SLC38A10: variants seen among roughly 807,000 people sequenced by gnomAD.
SLC38A10 encodes the protein solute carrier family 38 member 10, also known as Sodium-coupled neutral amino acid transporter 10.
Under a neutral mutation model 81.0 loss-of-function variants are expected in SLC38A10, and 53 were observed. That is an observed-to-expected ratio of 0.65 (90% CI 0.53 to 0.82). The LOEUF (loss-of-function observed/expected upper bound fraction) is 0.82, where lower values mean the gene tolerates loss of function less well. Ranked by LOEUF, SLC38A10 falls within the 40% of genes least tolerant of loss-of-function variation. The pLI is 0.00. For missense variants in SLC38A10, 1,471 were observed against 1,545.0 expected (o/e 0.95, Z 0.80); for synonymous variants, 665 against 655.3 (o/e 1.01, Z -0.23).
At chr17:81,294,082 C>A (rs1020976156) in intron 1 of SLC38A10, among the ~76,000 whole-genome samples, 3 of 152,182 alleles carry the variant, frequency 2.0e-5, no homozygotes, top group Non-Finnish European at 2.9e-5. Flanking sequence ...GGCGTGATCT[C>A]GGCTCACTGC....
rs568859490 is a variant in SLC38A10 at position 81,252,999 on chromosome 17, G to A, written c.1456+74C>T. The A allele has an allele frequency of 1.7e-5, 27 of 1,555,642 alleles. No individual in the cohort carries two copies. In the Admixed American group the frequency reaches 2.6e-4, roughly 15 times the overall value. On this transcript the variant is annotated intron_variant, in intron 12 of 15. Coordinates refer to ENST00000374759, the MANE Select transcript of SLC38A10 (RefSeq NM_001037984.3). ...TACACACAGCCCTGAGAGCCACCCC[G>A]CAGGGTGTCCAGCCTGCAAAGGAGG...
At position 81,270,358 on chromosome 17, in the gene SLC38A10, C is replaced by T. The variant is rs547959861; in HGVS notation, c.1131+560G>A. Among the ~76,000 whole-genome samples, 50 of 152,296 alleles carry T rather than the reference C, an allele frequency of 3.3e-4. No homozygotes were observed. The highest frequency in any genetic ancestry group is 4.9e-4 in the Non-Finnish European group (33 of 68,034). On this transcript the variant is annotated intron_variant, in intron 10 of 15. Coordinates refer to ENST00000374759, the MANE Select transcript of SLC38A10 (RefSeq NM_001037984.3). This position sits in a 1 kb window ranked among gnomAD's most constrained non-coding sequence, Gnocchi z 4.0. ...AGCAAGACTGGAGAGGTGAGTCCTT[C>T]GGAGACTGGGATTATGGAATCTTCC...
rs769255151 is a variant in SLC38A10 at position 81,252,546 on chromosome 17, G to A, written c.1594C>T (p.Pro532Ser). Residue 532 changes from proline (P) to serine (S), a missense_variant, in exon 13 of 16, where the codon CCA becomes TCA. Pro to Ser is a moderately conservative substitution (Grantham distance 74, BLOSUM62 -1). Transcript: ENST00000374759. The part of the protein sequence containing the change: ...PPSRHAGGKA[P>S]GVQGQMAPPL... ...GGCGCCATCTGGCCCTGGACCCCTG[G>A]AGCCTTTCCGCCCGCGTGTCTGGAT... is the stretch of plus-strand genomic sequence containing the variant. 6.3e-5 allele frequency: 101 copies of A among 1,613,272 alleles called. No individual in the cohort carries two copies. The highest frequency in any genetic ancestry group is 8.0e-5 in the Non-Finnish European group (94 of 1,180,030).
At chr17:81,249,022 G>A (rs149419776) in intron 14 of SLC38A10, among the ~76,000 whole-genome samples, 15 of 152,276 alleles carry the variant, frequency 9.9e-5, no homozygotes, top group South Asian at 2.1e-4. Flanking sequence ...TGGGTGCTGC[G>A]GGGCTCAACC....
Position 81,277,258 on chromosome 17 carries a change from G to A in SLC38A10, c.627-125C>T. On this transcript the variant is annotated intron_variant, in intron 6 of 15. Transcript: ENST00000374759. This position sits in a 1 kb window ranked among gnomAD's most constrained non-coding sequence, Gnocchi z 4.5. Reference sequence around the variant, plus strand: ...GACCTTCCTTCATGCAACATTCTCTGCACACTGGAAGTCCCAGCGCTGAGG... The same window carrying A: ...GACCTTCCTTCATGCAACATTCTCTACACACTGGAAGTCCCAGCGCTGAGG... 1 of 818,736 alleles carries A rather than the reference G, an allele frequency of 1.2e-6. No homozygotes were observed. The highest frequency in any genetic ancestry group is 2.0e-6 in the Non-Finnish European group (1 of 503,366). The allele number at this position is 818,736 out of a possible 1,614,324, so 50.7% of individuals were successfully genotyped here.
At chr17:81,278,137 G>A (rs2063178674) in intron 6 of SLC38A10, among the ~76,000 whole-genome samples, 1 of 151,872 alleles carries the variant, frequency 6.6e-6, no homozygotes, top group Admixed American at 6.5e-5. Flanking sequence ...AGAAAACACA[G>A]GACATCACCA....
At chr17:81,257,281 A>C (rs2062981593) in intron 11 of SLC38A10, among the ~76,000 whole-genome samples, 2 of 152,114 alleles carry the variant, frequency 1.3e-5, no homozygotes, top group Admixed American at 1.3e-4. Context: ...TTTTTAGTAG[A>C]GACAGGGTTT....
rs2062854124 is a variant in SLC38A10, at chr17:81,246,584, G to A, written c.2332C>T (p.Pro778Ser). 8 of 1,517,640 alleles carry A rather than the reference G, an allele frequency of 5.3e-6. No homozygotes were observed. The highest frequency in any genetic ancestry group is 7.0e-6 in the Non-Finnish European group (8 of 1,135,156). The allele number at this position is 1,517,640 out of a possible 1,614,324, so 94.0% of individuals were successfully genotyped here. A position where few individuals can be genotyped will look rare whatever the true frequency, so the allele number is the denominator to read the frequency against. Residue 778 changes from proline (P) to serine (S), a missense_variant, in exon 16 of 16, where the codon CCC becomes TCC. Transcript: ENST00000374759. The stretch of plus-strand genomic sequence containing the variant: ...CTGAGGACAGGGTCCAAAGGCAGGG[G>A]AGGCAGATTCTCCACCGTCTCCCTG... ...KARETVENLP[P>S]LPLDPVLRAP...
chr17:81,282,182 G>C lies in SLC38A10; in HGVS notation c.501+7C>G. 1.2e-6 allele frequency: 2 copies of C among 1,612,906 alleles called. No individual in the cohort carries two copies. Among genetic ancestry groups the C allele is most frequent in the Non-Finnish European group, 8.5e-7 (1 of 1,179,500 alleles). On this transcript the variant is annotated splice_region_variant and intron_variant, in intron 5 of 15. Transcript: ENST00000374759. ...TCAGCGGGTACCCACGCGCGCTGCCGACTCACCACGAACATGAACACGGTG... is the reference window on the plus strand; with the variant it reads ...TCAGCGGGTACCCACGCGCGCTGCCCACTCACCACGAACATGAACACGGTG...
chr17:81,247,389 C>T (rs1040627521), intron 14 of SLC38A10: 2 of 254,840 alleles, frequency 7.8e-6, no homozygotes, highest in Admixed American at 1.1e-4. Context: ...CCCCAGCAAG[C>T]CTGCTCGTTG....
At chr17:81,284,958 T>C in intron 2 of SLC38A10, 63 bp from the exon 3 acceptor site, 1 of 1,454,652 alleles carries the variant, frequency 6.9e-7, no homozygotes, top group Non-Finnish European at 9.3e-7. Context: ...AGAACAAAGG[T>C]ACTGAGCCAA....
intron 6 of SLC38A10, chr17:81,280,139 C>G (rs1269243241): frequency 2.2e-6 from 1 of 453,470 alleles, no homozygotes; most frequent in Non-Finnish European, 4.4e-6. Flanking sequence ...TATGGAAGAG[C>G]CCGATCCACA....
intron 10 of SLC38A10, chr17:81,263,239 A>T (rs2146910891): frequency 6.6e-6 from 1 of 152,406 alleles, no homozygotes; most frequent in East Asian, 1.9e-4. Flanking sequence ...GTACACAGGG[A>T]GCCTGCATGG....
At chr17:81,272,208 T>G (rs1249806379) in intron 9 of SLC38A10, among the ~76,000 whole-genome samples, 1 of 152,070 alleles carries the variant, frequency 6.6e-6, no homozygotes, top group East Asian at 1.9e-4. Context: ...AATTTTGTAT[T>G]TTTAGTAGAG....
Position 81,283,274 on chromosome 17 carries a change from C to T in SLC38A10, c.357+135G>A, listed in dbSNP as rs1185794853. 8 of 755,158 alleles carry T rather than the reference C, an allele frequency of 1.1e-5. No homozygotes were observed. Among genetic ancestry groups the T allele is most frequent in the East Asian group, 5.7e-5 (2 of 35,262 alleles). 46.8% of individuals were successfully genotyped at this position (755,158 alleles called of 1,614,324 possible). On this transcript the variant is annotated intron_variant, in intron 4 of 15. Coordinates refer to ENST00000374759, the MANE Select transcript of SLC38A10 (RefSeq NM_001037984.3). This position sits in a 1 kb window ranked among gnomAD's most constrained non-coding sequence, Gnocchi z 4.7. ...GCAAAGCCCCCGCACTCCACCAAGC[C>T]CCTAGAATGACAGCAGGCTCGACAG...
At chr17:81,254,189 TCA>T (rs773915128) in intron 11 of SLC38A10, among the ~76,000 whole-genome samples, 2 of 152,024 alleles carry the variant, frequency 1.3e-5, no homozygotes, top group African/African-American at 2.4e-5. Flanking sequence ...GAGGAAGAAT[TCA>T]CACAGAGTCC....
At position 81,246,032 on chromosome 17, in the gene SLC38A10, G is replaced by A. The variant is rs768753318; in HGVS notation, c.2884C>T (p.Arg962Trp). The stretch of plus-strand genomic sequence containing the variant: ...CCCTGCTCGCCATCAGAGATGACCC[G>A]CAGTTCCGGCTGGCGTAACACAGCC... ...PQAVLRQPEL[R>W]VISDGEQGGQ... is the part of the protein sequence containing the mutation. Residue 962 changes from arginine (R) to tryptophan (W), a missense_variant, in exon 16 of 16, where the codon CGG becomes TGG. Arg to Trp is a moderately radical substitution (Grantham distance 101). Coordinates refer to ENST00000374759, the MANE Select transcript of SLC38A10 (RefSeq NM_001037984.3). The A allele has an allele frequency of 2.5e-5, 40 of 1,610,084 alleles. No individual in the cohort carries two copies. Among genetic ancestry groups the A allele is most frequent in the African/African-American group, 8.0e-5 (6 of 74,920 alleles).
intron 10 of SLC38A10, chr17:81,264,154 G>A (rs906092733): frequency 6.6e-6 from 1 of 152,402 alleles, no homozygotes; most frequent in African/African-American, 2.4e-5. Context: ...GGGCGTAAGT[G>A]GAGTTCTGCA....
chr17:81,250,834 CAA>C, intron 14 of SLC38A10: 1 of 1,013,274 alleles, frequency 9.9e-7, no homozygotes, highest in Non-Finnish European at 1.2e-6. Flanking sequence ...GGAGGGGTCG[CAA>C]AAAGCCAACA....
Sources: gnomAD v4.1 joint callset for allele counts (sites outside exome capture counted in the v4.1 genomes callset) on GRCh38, gnomAD v4.1.1 for gene constraint, Gnocchi (gnomAD v3.1) non-coding constraint, MANE v1.5 for transcripts, NCBI Gene and HGNC (gene_info 2026-07-23, HGNC 2026-07-21) for gene names.